Variants in MEGF10 observed in about 807,000 individuals in gnomAD.
MEGF10 encodes multiple epidermal growth factor-like domains protein 10.
A neutral mutation model predicts 147.5 loss-of-function variants in MEGF10; 86 were observed. The ratio of observed to expected loss-of-function variants is 0.58; its 90% CI spans 0.49 to 0.70. The LOEUF is 0.70. Among genes scored for constraint, MEGF10 ranks in the 30% least tolerant of loss-of-function variants. The pLI, the probability that MEGF10 is intolerant of heterozygous loss-of-function variation, is 0.00. For synonymous variants in MEGF10, 478 were observed against 525.5 expected (o/e 0.91, Z 1.24); for missense variants, 1,329 against 1,487.3 (o/e 0.89, Z 1.75).
chr5:127,251,100 T>C, the MEGF10 span, among the ~76,000 whole-genome samples: 1 of 152,124 alleles, frequency 6.6e-6, no homozygotes, highest in Admixed American at 6.6e-5. Flanking sequence ...CTTAACATGC[T>C]ATTTTATTGG....
the MEGF10 span, among the ~76,000 whole-genome samples, chr5:127,243,613 C>T: frequency 2.4e-4 from 36 of 152,112 alleles, no homozygotes; most frequent in Non-Finnish European, 1.5e-5. Flanking sequence ...CTGATGACTT[C>T]CTCTTTCCTA....
At chr5:127,441,243 T>G (rs1331073723) in intron 18 of MEGF10, among the ~76,000 whole-genome samples, 1 of 152,198 alleles carries the variant, frequency 6.6e-6, no homozygotes, top group Non-Finnish European at 1.5e-5. Context: ...TGGAGGACAG[T>G]ACATTCGGTG....
intron 20 of MEGF10, among the ~76,000 whole-genome samples, 156 bp from the exon 21 acceptor site, chr5:127,447,401 T>G (rs1287089686): frequency 6.6e-6 from 1 of 152,110 alleles, no homozygotes; most frequent in East Asian, 1.9e-4. Flanking sequence ...ATGGTCTCGA[T>G]CTCCTGACCT....
chr5:127,291,500 C>G (rs941133406), intron 1 of MEGF10, among the ~76,000 whole-genome samples: 1 of 152,136 alleles, frequency 6.6e-6, no homozygotes, highest in South Asian at 2.1e-4. Context: ...CTAAACTTCT[C>G]TTTCTCCCGT....
At chr5:127,442,201 T>C (rs1024404463) in intron 18 of MEGF10, among the ~76,000 whole-genome samples, 3 of 152,212 alleles carry the variant, frequency 2.0e-5, no homozygotes, top group African/African-American at 7.2e-5. Context: ...CAAATTAAAG[T>C]GTCCCTATTT....
chr5:127,259,246 T>C, the MEGF10 span, among the ~76,000 whole-genome samples: 5 of 152,214 alleles, frequency 3.3e-5, no homozygotes, highest in Non-Finnish European at 7.3e-5. Flanking sequence ...GCCAAAGACC[T>C]AGTTCTGTAT....
In MEGF10 at chr5:127,396,654, G is replaced by A. The variant is rs766539079; in HGVS notation, c.535G>A (p.Glu179Lys). Residue 179 changes from glutamate to lysine, a missense_variant, in exon 6 of 25, where the codon GAG becomes AAG. Coordinates refer to ENST00000503335, the MANE Select transcript of MEGF10 (RefSeq NM_001256545.2). The stretch of plus-strand genomic sequence containing the variant: ...TGCGGGCTTCCGGGGCTGGCGCTGC[G>A]AGGACCGCTGTGAGCAGGGCACCTA... Reference protein sequence around the residue: ...CAAGFRGWRCEDRCEQGTYGN... With the variant: ...CAAGFRGWRCKDRCEQGTYGN... 1.3e-5 allele frequency: 21 copies of A among 1,613,964 alleles called. No individual in the cohort carries two copies. Among genetic ancestry groups the A allele is most frequent in the South Asian group, 5.5e-5 (5 of 91,086 alleles).
At position 127,447,619 on chromosome 5, in the gene MEGF10, C is replaced by T; in HGVS notation, c.2791C>T (p.His931Tyr). 5 of 1,614,082 alleles carry T rather than the reference C, an allele frequency of 3.1e-6. No homozygotes were observed. Among genetic ancestry groups the T allele is most frequent in the Non-Finnish European group, 4.2e-6 (5 of 1,180,000 alleles). Residue 931 changes from histidine (H) to tyrosine (Y), a missense_variant, in exon 21 of 25, where the codon CAC becomes TAC. His to Tyr is a moderately conservative substitution (Grantham distance 83). Transcript: ENST00000503335. The part of the protein sequence containing the change: ...NSHYFTNPSY[H>Y]TLTQCATSPH... ...CCACTACTTCACCAATCCCAGTTAC[C>T]ACACGCTCACCCAGTGTGCCACATC...
intron 1 of MEGF10, among the ~76,000 whole-genome samples, chr5:127,291,762 G>A (rs1206481176): frequency 2.6e-5 from 4 of 152,208 alleles, no homozygotes; most frequent in African/African-American, 9.7e-5. Context: ...GTTTAAGGAA[G>A]TGTTTTGGCC....
chr5:127,398,738 A>G lies in MEGF10; in HGVS notation c.722A>G (p.Gln241Arg). The change falls in exon 7 of 25, where the codon CAA becomes CGA. Residue 241 changes from glutamine to arginine, a missense_variant. Gln to Arg is a conservative substitution (Grantham distance 43). This residue lies in a region of MEGF10 where 980 missense variants were observed against 1,085.9 expected (regional missense o/e 0.90). Coordinates refer to ENST00000503335, the MANE Select transcript of MEGF10 (RefSeq NM_001256545.2). ...GPQCEQRCPC[Q>R]NGGVCHHVTG... ...CAGTGTGAGCAGAGATGCCCTTGTC[A>G]AAATGGAGGAGTGTGTCATCACGTC... is the stretch of plus-strand genomic sequence containing the variant. 1 of 1,614,050 alleles carries G rather than the reference A, an allele frequency of 6.2e-7. No homozygotes were observed. The highest frequency in any genetic ancestry group is 8.5e-7 in the Non-Finnish European group (1 of 1,179,954).
intron 1 of MEGF10, among the ~76,000 whole-genome samples, chr5:127,311,334 C>A (rs1205519995): frequency 6.6e-6 from 1 of 152,212 alleles, no homozygotes; most frequent in Non-Finnish European, 1.5e-5. Context: ...AATACAGAGA[C>A]AGCCTGAAGG....
At chr5:127,428,839 A>G (rs1291616819) in intron 13 of MEGF10, among the ~76,000 whole-genome samples, 1 of 152,258 alleles carries the variant, frequency 6.6e-6, no homozygotes, top group South Asian at 2.1e-4. Context: ...TACTGCATTC[A>G]TGCAATCACA....
chr5:127,275,085 C>T, the MEGF10 span, among the ~76,000 whole-genome samples: 3 of 152,098 alleles, frequency 2.0e-5, no homozygotes, highest in Non-Finnish European at 2.9e-5. Context: ...AGCAGACAAG[C>T]CCTGGGCTAG....
chr5:127,385,335 G>T (rs919790244), intron 5 of MEGF10, among the ~76,000 whole-genome samples: 1 of 151,640 alleles, frequency 6.6e-6, no homozygotes, highest in Admixed American at 6.6e-5. Flanking sequence ...GTCTCACTCT[G>T]TTGCCTAGGC....
intron 1 of MEGF10, among the ~76,000 whole-genome samples, chr5:127,297,847 C>T (rs2126707064): frequency 6.6e-6 from 1 of 152,248 alleles, no homozygotes; most frequent in African/African-American, 2.4e-5. Flanking sequence ...AAATCTTCCT[C>T]CCTATTCCAT....
At chr5:127,339,047 CT>C in intron 2 of MEGF10, 72 bp from the exon 3 acceptor site, 1 of 893,290 alleles carries the variant, frequency 1.1e-6, no homozygotes, top group Non-Finnish European at 1.6e-6. Flanking sequence ...AGCTTACAAA[CT>C]TTTAAATACA....
chr5:127,448,452 C>T (rs1249772751), intron 21 of MEGF10, among the ~76,000 whole-genome samples: 3 of 152,126 alleles, frequency 2.0e-5, no homozygotes, highest in African/African-American at 7.2e-5. Flanking sequence ...GCTCTGAAGT[C>T]TCAAACATTT....
intron 7 of MEGF10, 107 bp from the exon 8 acceptor site, chr5:127,402,439 C>A (rs1439080146): frequency 1.6e-6 from 2 of 1,244,938 alleles, no homozygotes; most frequent in Non-Finnish European, 2.2e-6. Context: ...TTCTTGCAGC[C>A]CTGTTCCCCA....
At chr5:127,452,095 A>G (rs1436433840) in intron 22 of MEGF10, among the ~76,000 whole-genome samples, 1 of 152,194 alleles carries the variant, frequency 6.6e-6, no homozygotes, top group East Asian at 1.9e-4. Context: ...ATGGGTGTAT[A>G]TAGGAGTTTA....
Sources: allele counts gnomAD v4.1 joint callset (sites outside exome capture counted in the v4.1 genomes callset), GRCh38; gene constraint gnomAD v4.1.1; regional missense constraint gnomAD v4.1.1; transcripts MANE v1.5; gene names NCBI Gene and HGNC (gene_info 2026-07-23, HGNC 2026-07-21).